The following CNTNAP2 variants were observed in gnomAD, a reference collection of about 807,000 sequenced individuals.
CNTNAP2 encodes the protein contactin associated protein 2.
Under a neutral mutation model 155.2 loss-of-function variants are expected in CNTNAP2, and 98 were observed. The ratio of observed to expected loss-of-function variants is 0.63; its 90% confidence interval spans 0.54 to 0.75. The LOEUF (loss-of-function observed/expected upper bound fraction) is 0.75. Ranked by LOEUF, CNTNAP2 falls within the 30% of genes least tolerant of loss-of-function variation. The pLI is 0.00. For missense variants in CNTNAP2, 1,727 were observed against 1,688.1 expected (o/e 1.02, Z -0.40); for synonymous variants, 651 against 631.2 (o/e 1.03, Z -0.47).
At chr7:146,395,190 G>A (rs1351341647) in intron 1 of CNTNAP2, among the ~76,000 whole-genome samples, 3 of 152,142 alleles carry the variant, frequency 2.0e-5, no homozygotes, top group Non-Finnish European at 2.9e-5. Context: ...ATTGTGAATA[G>A]TGCTGCGGTA....
intron 18 of CNTNAP2, among the ~76,000 whole-genome samples, chr7:148,215,129 G>T (rs184235009): frequency 1.3e-5 from 2 of 152,264 alleles, no homozygotes; most frequent in African/African-American, 2.4e-5. Flanking sequence ...TGGATTATAT[G>T]TGTCAACATA....
chr7:148,175,860 T>G (rs1349163045), intron 18 of CNTNAP2, among the ~76,000 whole-genome samples: 1 of 152,096 alleles, frequency 6.6e-6, no homozygotes, highest in Admixed American at 6.5e-5. Context: ...CTTATCATCC[T>G]CCTCTTCTTC....
chr7:146,446,875 G>A (rs1279968208), intron 1 of CNTNAP2, among the ~76,000 whole-genome samples: 5 of 151,976 alleles, frequency 3.3e-5, no homozygotes, highest in African/African-American at 1.2e-4. Flanking sequence ...TATGGAAGTG[G>A]ACTGCTTACA....
At chr7:148,311,124 GT>G (rs1391106086) in intron 21 of CNTNAP2, among the ~76,000 whole-genome samples, 1 of 150,982 alleles carries the variant, frequency 6.6e-6, no homozygotes, top group Non-Finnish European at 1.5e-5. Context: ...AAGGAGAAAG[GT>G]TTTTCAAGTA....
intron 3 of CNTNAP2, among the ~76,000 whole-genome samples, chr7:146,972,758 A>G (rs1377414053): frequency 1.3e-5 from 2 of 152,182 alleles, no homozygotes; most frequent in African/African-American, 2.4e-5. Flanking sequence ...AAGCCATTTA[A>G]TGCTTGAAAA....
At chr7:147,822,005 G>T (rs180954283) in intron 13 of CNTNAP2, among the ~76,000 whole-genome samples, 3 of 152,056 alleles carry the variant, frequency 2.0e-5, no homozygotes, top group Non-Finnish European at 4.4e-5. Context: ...CATAAGCCAA[G>T]AAACAATAGT....
At chr7:146,766,240 T>C (rs1428213892) in intron 1 of CNTNAP2, among the ~76,000 whole-genome samples, 1 of 152,188 alleles carries the variant, frequency 6.6e-6, no homozygotes, top group African/African-American at 2.4e-5. Context: ...GGCTATTCAA[T>C]GTAGGCATAT....
intron 15 of CNTNAP2, among the ~76,000 whole-genome samples, chr7:148,099,702 G>A (rs963974435): frequency 2.1e-4 from 32 of 151,842 alleles, no homozygotes; most frequent in Non-Finnish European, 3.5e-4. Flanking sequence ...TCTAACTTCC[G>A]TTTGTATCTC....
Position 148,093,313 on chromosome 7 carries a change from G to A in CNTNAP2, c.2384-24805G>A, listed in dbSNP as rs150235284. ...CTCCTTTCGGAAAATCACAATGTACGTGACTCTTGCAGTAAAGAAATGTGT... is the reference window on the plus strand; with the variant it reads ...CTCCTTTCGGAAAATCACAATGTACATGACTCTTGCAGTAAAGAAATGTGT... On this transcript the variant is annotated intron_variant, in intron 15 of 23. Coordinates refer to ENST00000361727, the MANE Select transcript of CNTNAP2 (RefSeq NM_014141.6). Among the ~76,000 whole-genome samples, 449 of 152,214 alleles carry A rather than the reference G, an allele frequency of 2.9e-3. 1 individual carries two copies. The highest frequency in any genetic ancestry group is 0.01 in the African/African-American group (417 of 41,534).
chr7:147,852,866 G>T (rs1454291100), intron 13 of CNTNAP2, among the ~76,000 whole-genome samples: 1 of 152,126 alleles, frequency 6.6e-6, no homozygotes, highest in African/African-American at 2.4e-5. Context: ...TATTTTGTAA[G>T]ACTATGGATC....
chr7:148,184,227 T>C (rs1795082661), intron 18 of CNTNAP2, among the ~76,000 whole-genome samples: 1 of 152,132 alleles, frequency 6.6e-6, no homozygotes, highest in Admixed American at 6.6e-5. Context: ...GCCCAAGAGT[T>C]TGAGACCAGC....
Position 146,404,189 on chromosome 7 carries a change from GA to G in CNTNAP2, c.97+287220del, listed in dbSNP as rs554950809. Reference sequence around the variant, plus strand: ...TTTAGTGACTTGGAAATAAGAAGATGAAAAGATGAATATTCACTGAAGAACT... The same window carrying G: ...TTTAGTGACTTGGAAATAAGAAGATGAAAGATGAATATTCACTGAAGAACT... On this transcript the variant is annotated intron_variant, in intron 1 of 23. Transcript: ENST00000361727. 5.8e-4 allele frequency among the ~76,000 whole-genome samples: 87 copies of G among 150,426 alleles called. 1 individual carries two copies. In the South Asian group the frequency reaches 0.018, roughly 31 times the overall value.
At chr7:147,808,322 G>A (rs1456099325) in intron 13 of CNTNAP2, among the ~76,000 whole-genome samples, 1 of 152,214 alleles carries the variant, frequency 6.6e-6, no homozygotes, top group Non-Finnish European at 1.5e-5. Context: ...ATCAAAGAAA[G>A]TCACAGGCCA....
At chr7:147,080,659 T>G (rs1694299605) in intron 4 of CNTNAP2, among the ~76,000 whole-genome samples, 1 of 144,108 alleles carries the variant, frequency 6.9e-6, no homozygotes, top group South Asian at 2.1e-4. Flanking sequence ...ATATATAACA[T>G]GTATATGACA....
rs144285400 is a variant in CNTNAP2 at position 147,394,593 on chromosome 7, G to A, written c.1499-1016G>A. Reference sequence around the variant, plus strand: ...AAGTAGAAGCTCTGGGGACTTTCTGGAGATACTTAATGGGATTGAAAAATA... The same window carrying A: ...AAGTAGAAGCTCTGGGGACTTTCTGAAGATACTTAATGGGATTGAAAAATA... On this transcript the variant is annotated intron_variant, in intron 9 of 23. Transcript: ENST00000361727. Among the ~76,000 whole-genome samples the A allele has an allele frequency of 3.2e-4, 48 of 152,054 alleles. 1 individual carries two copies. Among genetic ancestry groups the A allele is most frequent in the African/African-American group, 1.1e-3 (47 of 41,508 alleles).
chr7:147,801,547 A>G (rs1179124273), intron 13 of CNTNAP2, among the ~76,000 whole-genome samples: 3 of 151,888 alleles, frequency 2.0e-5, no homozygotes, highest in Admixed American at 6.6e-5. Flanking sequence ...GCTGCCTTCA[A>G]GCATCTGTTT....
intron 18 of CNTNAP2, among the ~76,000 whole-genome samples, chr7:148,175,639 A>G (rs902278528): frequency 1.3e-5 from 2 of 152,172 alleles, no homozygotes; most frequent in African/African-American, 4.8e-5. Flanking sequence ...ACCTCAAGAC[A>G]CTAGTATCAC....
intron 4 of CNTNAP2, among the ~76,000 whole-genome samples, chr7:147,062,778 A>ATTC (rs1184477636): frequency 6.6e-6 from 1 of 152,168 alleles, no homozygotes; most frequent in African/African-American, 2.4e-5. Context: ...TACTTCCTAT[A>ATTC]TTCTCAACTC....
chr7:147,558,824 C>T (rs1800003310), intron 11 of CNTNAP2, among the ~76,000 whole-genome samples: 1 of 152,008 alleles, frequency 6.6e-6, no homozygotes, highest in Non-Finnish European at 1.5e-5. Flanking sequence ...CTCACTGCAT[C>T]CTTCGCCTCC....
Sources: gnomAD v4.1 joint callset for allele counts (sites outside exome capture counted in the v4.1 genomes callset) on GRCh38, gnomAD v4.1.1 for gene constraint, MANE v1.5 for transcripts, NCBI Gene and HGNC (gene_info 2026-07-23, HGNC 2026-07-21) for gene names.